The following BCR variants were observed in gnomAD, a reference collection of about 807,000 sequenced individuals.
The protein encoded by BCR is breakpoint cluster region protein.
A neutral mutation model predicts 138.6 loss-of-function variants in BCR; 58 were observed. The ratio of observed to expected loss-of-function variants is 0.42; its 90% CI spans 0.34 to 0.52. The LOEUF (loss-of-function observed/expected upper bound fraction) is 0.52. Among genes scored for constraint, BCR ranks in the 20% least tolerant of loss-of-function variants. The pLI, the probability that BCR is intolerant of heterozygous loss-of-function variation, is 0.06. For synonymous variants in BCR, 786 were observed against 730.1 expected (o/e 1.08, Z -1.23); for missense variants, 1,599 against 1,727.2 (o/e 0.93, Z 1.32).
chr22:23,276,392 C>G (rs2073576306), intron 8 of BCR, among the ~76,000 whole-genome samples: 1 of 136,920 alleles, frequency 7.3e-6, no homozygotes, highest in Non-Finnish European at 1.5e-5. Context: ...GAGCGAGATT[C>G]TGTCTCAAAA....
rs1300084403 is a variant in BCR, at chr22:23,180,870, C to T, written c.-91C>T. Reference sequence around the variant, plus strand: ...CGCCGCGCGGGCCATGGGGGCCGCCCGGCGCCCGGGGCCGGGCTGGCGAGG... The same window carrying T: ...CGCCGCGCGGGCCATGGGGGCCGCCTGGCGCCCGGGGCCGGGCTGGCGAGG... On this transcript the variant is annotated 5_prime_UTR_variant, in exon 1 of 23. Coordinates refer to ENST00000305877, the MANE Select transcript of BCR (RefSeq NM_004327.4). The T allele has an allele frequency of 1.3e-5, 10 of 748,848 alleles. No individual in the cohort carries two copies. The highest frequency in any genetic ancestry group is 9.3e-5 in the African/African-American group (2 of 21,396). The allele number at this position is 748,848 out of a possible 1,614,324, so 46.4% of individuals were successfully genotyped here.
intron 19 of BCR, chr22:23,312,604 C>G: frequency 2.1e-6 from 1 of 484,550 alleles, no homozygotes; most frequent in Non-Finnish European, 3.8e-6. Flanking sequence ...GCAGAGCCAC[C>G]CAATCCCCAC....
intron 14 of BCR, among the ~76,000 whole-genome samples, chr22:23,291,969 C>T (rs1158219672): frequency 6.6e-6 from 1 of 152,174 alleles, no homozygotes; most frequent in African/African-American, 2.4e-5. Flanking sequence ...GCAAACCCCA[C>T]CCTGCAACTT....
chr22:23,233,410 A>T (rs1004929973), intron 1 of BCR, among the ~76,000 whole-genome samples: 4 of 152,118 alleles, frequency 2.6e-5, no homozygotes, highest in African/African-American at 9.7e-5. Context: ...TTCCTAAAAC[A>T]TGAGGCTCCC....
chr22:23,181,502 A>C lies in BCR; in HGVS notation c.542A>C (p.Glu181Ala). ...DAEKPFYVNVEFHHERGLVKV... is the reference protein window; with the variant it reads ...DAEKPFYVNVAFHHERGLVKV... ...GAGAAGCCCTTCTACGTGAACGTCG[A>C]GTTTCACCACGAGCGCGGCCTGGTG... Residue 181 changes from glutamate to alanine, a missense_variant, in exon 1 of 23, where the codon GAG (glutamate) becomes GCG (alanine). Coordinates refer to ENST00000305877, the MANE Select transcript of BCR (RefSeq NM_004327.4). 1 of 1,612,286 alleles carries C rather than the reference A, an allele frequency of 6.2e-7. No homozygotes were observed. Among genetic ancestry groups the C allele is most frequent in the Non-Finnish European group, 8.5e-7 (1 of 1,179,486 alleles).
At chr22:23,237,143 G>A (rs540391459) in intron 1 of BCR, among the ~76,000 whole-genome samples, 1 of 152,220 alleles carries the variant, frequency 6.6e-6, no homozygotes, top group Non-Finnish European at 1.5e-5. Flanking sequence ...CGCCGCCCCT[G>A]TTTGTGAGTT....
intron 1 of BCR, among the ~76,000 whole-genome samples, chr22:23,200,202 G>A (rs2072536257): frequency 6.6e-6 from 1 of 152,196 alleles, no homozygotes; most frequent in East Asian, 1.9e-4. Context: ...ATATGTAGAT[G>A]TCACCGTGTG....
At chr22:23,185,269 C>A in intron 1 of BCR, among the ~76,000 whole-genome samples, 1 of 152,232 alleles carries the variant, frequency 6.6e-6, no homozygotes, top group East Asian at 1.9e-4. Flanking sequence ...ACACTGCTAC[C>A]TGCAAAGCAC....
chr22:23,287,193 TGAA>T lies in BCR; in HGVS notation c.2449_2451del (p.Lys817del), dbSNP rs763860315. 1.3e-6 allele frequency: 2 copies of T among 1,574,022 alleles called. No individual in the cohort carries two copies. Among genetic ancestry groups the T allele is most frequent in the Non-Finnish European group, 1.7e-6 (2 of 1,158,986 alleles). ...AAGGGCAGCAAGGCTACGGAGAGGC[TGAA>T]GAAGAAGCTGTCGGAGCAGGAGTCA... On this transcript the variant is annotated inframe_deletion, in exon 11 of 23. Coordinates refer to ENST00000305877, the MANE Select transcript of BCR (RefSeq NM_004327.4).
chr22:23,228,741 C>T (rs1434713239), intron 1 of BCR, among the ~76,000 whole-genome samples: 1 of 152,130 alleles, frequency 6.6e-6, no homozygotes, highest in Non-Finnish European at 1.5e-5. Flanking sequence ...TCCTTATTCT[C>T]CTGTATGTAA....
intron 14 of BCR, among the ~76,000 whole-genome samples, chr22:23,292,144 G>C (rs377406844): frequency 1.3e-4 from 20 of 152,170 alleles, no homozygotes; most frequent in African/African-American, 4.3e-4. Flanking sequence ...TGCTCTGATT[G>C]TAGGGGCTTC....
intron 12 of BCR, 26 bp downstream of exon 12, chr22:23,288,198 G>A: frequency 1.2e-6 from 2 of 1,604,736 alleles, no homozygotes; most frequent in Non-Finnish European, 1.7e-6. Context: ...CCTGAGAGGG[G>A]CTGGGCTTCA....
chr22:23,277,241 G>A (rs1057086305), intron 8 of BCR, among the ~76,000 whole-genome samples: 1 of 152,236 alleles, frequency 6.6e-6, no homozygotes. Context: ...TGTGGGGTCA[G>A]AGGTGATCTC....
intron 1 of BCR, among the ~76,000 whole-genome samples, chr22:23,239,585 G>A (rs35084413): frequency 0.051 from 7,725 of 152,244 alleles, 240 homozygotes; most frequent in South Asian, 0.12. Context: ...CCTCAGTGCT[G>A]GTGTCTGAGC....
chr22:23,200,337 G>A (rs984668393), intron 1 of BCR, among the ~76,000 whole-genome samples: 2 of 151,986 alleles, frequency 1.3e-5, no homozygotes, highest in Non-Finnish European at 2.9e-5. Context: ...TTTATTTAGA[G>A]ACAGGGTCTT....
intron 1 of BCR, among the ~76,000 whole-genome samples, chr22:23,213,214 C>G (rs574330607): frequency 6.6e-6 from 1 of 152,322 alleles, no homozygotes; most frequent in African/African-American, 2.4e-5. Flanking sequence ...CAATCATGGC[C>G]CTGAGCTTGG....
chr22:23,255,045 A>T (rs1248123695), intron 2 of BCR, among the ~76,000 whole-genome samples: 1 of 152,090 alleles, frequency 6.6e-6, no homozygotes, highest in Non-Finnish European at 1.5e-5. Context: ...TAATAATAAA[A>T]AAATAAATAA....
In BCR at chr22:23,181,036, C is replaced by A. The variant is rs753721385; in HGVS notation, c.76C>A (p.Arg26Ser). ...CTCAGAGCCCCCGCGCATGGAGCTG[C>A]GCTCAGTGGGCGACATCGAGCAGGA... ...PDSEPPRMEL[R>S]SVGDIEQELE... The change falls in exon 1 of 23, where the codon CGC becomes AGC. Residue 26 changes from arginine to serine, a missense_variant. By Grantham distance (110) the Arg-to-Ser change is moderately radical (BLOSUM62 -1). This residue lies in a region of BCR where 806 missense variants were observed against 635.0 expected (regional missense o/e 1.27). Coordinates refer to ENST00000305877, the MANE Select transcript of BCR (RefSeq NM_004327.4). The A allele has an allele frequency of 6.6e-7, 1 of 1,519,100 alleles. No homozygotes were observed. The highest frequency in any genetic ancestry group is 8.9e-7 in the Non-Finnish European group (1 of 1,127,940). The allele number at this position is 1,519,100 out of a possible 1,614,324, so 94.1% of individuals were successfully genotyped here. A position where few individuals can be genotyped will look rare whatever the true frequency, so the allele number is the denominator to read the frequency against.
At chr22:23,231,787 G>A (rs553995222) in intron 1 of BCR, among the ~76,000 whole-genome samples, 10 of 152,328 alleles carry the variant, frequency 6.6e-5, no homozygotes, top group East Asian at 5.8e-4. Context: ...GTCCCCACCC[G>A]TGCCTACGCC....
Sources: gnomAD v4.1 joint callset for allele counts (sites outside exome capture counted in the v4.1 genomes callset) on GRCh38, gnomAD v4.1.1 for gene constraint, gnomAD v4.1.1 regional missense constraint, MANE v1.5 for transcripts, NCBI Gene and HGNC (gene_info 2026-07-23, HGNC 2026-07-21) for gene names.